The following NCOA7 variants were observed in gnomAD, a reference collection of about 807,000 sequenced individuals.
NCOA7 encodes the protein nuclear receptor coactivator 7.
Under a neutral mutation model 104.3 loss-of-function variants are expected in NCOA7, and 45 were observed. The ratio of observed to expected loss-of-function variants is 0.43; its 90% CI spans 0.34 to 0.55. NCOA7 has a LOEUF of 0.55. Among genes scored for constraint, NCOA7 ranks in the 20% least tolerant of loss-of-function variants. NCOA7 has a pLI of 0.02. For missense variants in NCOA7, 1,041 were observed against 1,119.7 expected, an observed-to-expected ratio of 0.93 and a Z score of 1.00; for synonymous variants, 398 against 402.3, an observed-to-expected ratio of 0.99 and a Z score of 0.13.
chr6:125,817,984 T>C (rs1777748217), intron 2 of NCOA7, among the ~76,000 whole-genome samples: 1 of 151,878 alleles, frequency 6.6e-6, no homozygotes, highest in Non-Finnish European at 1.5e-5. Context: ...CCTCCCCGTC[T>C]CCCTTCCTCA....
chr6:125,839,310 G>A (rs188866911), intron 2 of NCOA7, among the ~76,000 whole-genome samples: 1 of 152,208 alleles, frequency 6.6e-6, no homozygotes, highest in African/African-American at 2.4e-5. Flanking sequence ...TAGAGATGGG[G>A]TTTCACCATT....
At chr6:125,908,147 C>A (rs1175239491) in intron 10 of NCOA7, among the ~76,000 whole-genome samples, 1 of 152,098 alleles carries the variant, frequency 6.6e-6, no homozygotes, top group Non-Finnish European at 1.5e-5. Context: ...TGGGATATGC[C>A]CCCTTACCTG....
intron 1 of NCOA7, among the ~76,000 whole-genome samples, chr6:125,809,477 C>T (rs1776768735): frequency 6.6e-6 from 1 of 152,214 alleles, no homozygotes; most frequent in South Asian, 2.1e-4. Context: ...GCCACTGCGT[C>T]TGGGTACCCT....
chr6:125,887,495 T>C (rs1334003793), intron 8 of NCOA7, among the ~76,000 whole-genome samples: 2 of 152,248 alleles, frequency 1.3e-5, no homozygotes, highest in South Asian at 2.1e-4. Flanking sequence ...CAATGAATGC[T>C]TATTAAATTG....
At chr6:125,857,439 ATATT>A (rs1436454640) in intron 3 of NCOA7, among the ~76,000 whole-genome samples, 6 of 123,884 alleles carry the variant, frequency 4.8e-5, no homozygotes, top group African/African-American at 2.7e-4. Context: ...ATATATATAT[ATATT>A]TTTTTTTTTA....
intron 3 of NCOA7, among the ~76,000 whole-genome samples, chr6:125,860,477 A>G (rs1004767012): frequency 2.6e-5 from 4 of 152,232 alleles, no homozygotes; most frequent in Admixed American, 6.5e-5. Flanking sequence ...CTTCCCGAGT[A>G]GATGAGATTA....
In NCOA7 at chr6:125,881,309, G is replaced by A. The variant is rs953896810; in HGVS notation, c.573+106G>A. Reference sequence around the variant, plus strand: ...AAGATTACATCTGAAATTCTCCCTAGATGGTTGAGATTAGGTAATTGGAGA... The same window carrying A: ...AAGATTACATCTGAAATTCTCCCTAAATGGTTGAGATTAGGTAATTGGAGA... On this transcript the variant is annotated intron_variant, in intron 6 of 15. Coordinates refer to ENST00000392477, the MANE Select transcript of NCOA7 (RefSeq NM_181782.5). The A allele has an allele frequency of 1.5e-5, 13 of 839,300 alleles. No homozygotes were observed. In the African/African-American group the frequency reaches 2.2e-4, roughly 14 times the overall value. The allele number at this position is 839,300 out of a possible 1,614,324, so 52.0% of individuals were successfully genotyped here.
At chr6:125,911,655 TCCTG>T (rs1454464054) in intron 10 of NCOA7, among the ~76,000 whole-genome samples, 1 of 152,212 alleles carries the variant, frequency 6.6e-6, no homozygotes, top group African/African-American at 2.4e-5. Context: ...GCAATGATAC[TCCTG>T]CCTAATTATT....
At chr6:125,858,947 G>C (rs1429194886) in intron 3 of NCOA7, among the ~76,000 whole-genome samples, 1 of 152,184 alleles carries the variant, frequency 6.6e-6, no homozygotes, top group Admixed American at 6.5e-5. Flanking sequence ...GCTGCTTTTG[G>C]TGGCTCTAGT....
At chr6:125,852,069 T>C (rs2128616976) in intron 2 of NCOA7, among the ~76,000 whole-genome samples, 2 of 152,306 alleles carry the variant, frequency 1.3e-5, no homozygotes, top group East Asian at 3.9e-4. Context: ...TCTTTTTCTT[T>C]TTGTTGTTGT....
intron 4 of NCOA7, among the ~76,000 whole-genome samples, chr6:125,877,319 G>A (rs1783464827): frequency 6.6e-6 from 1 of 152,102 alleles, no homozygotes; most frequent in South Asian, 2.1e-4. Flanking sequence ...TCTTCCTTCA[G>A]CCTCCTCACA....
rs57168444 is a variant in NCOA7, at chr6:125,840,868, G to GTTTTTTTTTTTTTTTTTTTTTTT, written c.51-14132_51-14110dup. ...TTTTATGGTTTTTTTTGTTTGGTTGGTTTTTTTTTTTTTTTTTTTTTTTTT... is the reference window on the plus strand; with the variant it reads ...TTTTATGGTTTTTTTTGTTTGGTTGGTTTTTTTTTTTTTTTTTTTTTTTTTTTTTTTTTTTTTTTTTTTTTTTT... On this transcript the variant is annotated intron_variant, in intron 2 of 15. Transcript: ENST00000392477. Among the ~76,000 whole-genome samples, 23 of 40,376 alleles carry GTTTTTTTTTTTTTTTTTTTTTTT rather than the reference G, an allele frequency of 5.7e-4. 6 individuals are homozygous for GTTTTTTTTTTTTTTTTTTTTTTT. The highest frequency in any genetic ancestry group is 1.5e-3 in the East Asian group (2 of 1,358). 26.5% of individuals were successfully genotyped at this position (40,376 alleles called of 152,430 possible). A position where few individuals can be genotyped will look rare whatever the true frequency, so the allele number is the denominator to read the frequency against.
At chr6:125,843,920 G>A (rs757646004) in intron 2 of NCOA7, among the ~76,000 whole-genome samples, 24 of 152,186 alleles carry the variant, frequency 1.6e-4, no homozygotes, top group Non-Finnish European at 3.2e-4. Flanking sequence ...TACACAGTGT[G>A]CATCCATTTT....
intron 1 of NCOA7, among the ~76,000 whole-genome samples, chr6:125,809,706 A>AT (rs1776791977): frequency 5.9e-5 from 9 of 152,252 alleles, no homozygotes. Context: ...AGAAAGGTCC[A>AT]TTTTGATCTG....
chr6:125,805,442 A>G (rs893981288), intron 1 of NCOA7, among the ~76,000 whole-genome samples: 1 of 152,132 alleles, frequency 6.6e-6, no homozygotes, highest in Non-Finnish European at 1.5e-5. Context: ...AGAACCAGGC[A>G]TTGATGTGAA....
chr6:125,786,551 TATC>T (rs1258029810), upstream of NCOA7, among the ~76,000 whole-genome samples: 1 of 150,922 alleles, frequency 6.6e-6, no homozygotes, highest in Non-Finnish European at 1.5e-5. Flanking sequence ...TGGGACAAAA[TATC>T]ATACACAATA....
Position 125,911,052 on chromosome 6 carries a change from G to A in NCOA7, c.2097-4281G>A, listed in dbSNP as rs573443828. ...GAGAGAAAAAGGTGGGACACCAGAGGACCATCATTATTGTATGGAGGCTGC... is the reference window on the plus strand; with the variant it reads ...GAGAGAAAAAGGTGGGACACCAGAGAACCATCATTATTGTATGGAGGCTGC... On this transcript the variant is annotated intron_variant, in intron 10 of 15. Transcript: ENST00000392477. Among the ~76,000 whole-genome samples, 7 of 152,332 alleles carry A rather than the reference G, an allele frequency of 4.6e-5. No individual in the cohort carries two copies. In the East Asian group the frequency reaches 1.4e-3, roughly 29 times the overall value.
intron 2 of NCOA7, among the ~76,000 whole-genome samples, chr6:125,816,801 T>C (rs1400110141): frequency 6.6e-6 from 1 of 152,222 alleles, no homozygotes; most frequent in Non-Finnish European, 1.5e-5. Flanking sequence ...ATTCATTGTA[T>C]GTGTGTTTGT....
Position 125,865,337 on chromosome 6 carries a change from A to G in NCOA7, c.272-9552A>G, listed in dbSNP as rs544928761. On this transcript the variant is annotated intron_variant, in intron 3 of 15. Transcript: ENST00000392477. ...CTGTGCTTTAAGCCTTGCATTTTAG[A>G]TTTTAGCACAGTATGACTCATTTTA... is the stretch of plus-strand genomic sequence containing the variant. 1.5e-3 allele frequency among the ~76,000 whole-genome samples: 201 copies of G among 137,858 alleles called. 54 individuals are homozygous for G. Among genetic ancestry groups the G allele is most frequent in the African/African-American group, 5.6e-3 (186 of 33,002 alleles). 90.4% of individuals were successfully genotyped at this position (137,858 alleles called of 152,430 possible). A position where few individuals can be genotyped will look rare whatever the true frequency, so the allele number is the denominator to read the frequency against.
Sources: allele counts gnomAD v4.1 joint callset (sites outside exome capture counted in the v4.1 genomes callset), GRCh38; gene constraint gnomAD v4.1.1; transcripts MANE v1.5; gene names NCBI Gene and HGNC (gene_info 2026-07-23, HGNC 2026-07-21).